Variants in CNTN3 observed in about 807,000 individuals in gnomAD.
CNTN3 encodes the protein contactin 3.
CNTN3 carries 60 observed loss-of-function variants against 119.1 expected under a neutral mutation model. That is an observed-to-expected ratio of 0.50 (90% CI 0.41 to 0.62). The LOEUF is 0.62. Ranked by LOEUF, CNTN3 falls within the 20% of genes least tolerant of loss-of-function variation. The pLI is 0.00. For missense variants in CNTN3, 1,101 were observed against 1,242.4 expected, an observed-to-expected ratio of 0.89 and a Z score of 1.71; for synonymous variants, 450 against 438.7, an observed-to-expected ratio of 1.03 and a Z score of -0.32.
chr3:74,492,709 C>A (rs531569573), intron 3 of CNTN3, among the ~76,000 whole-genome samples: 1 of 152,228 alleles, frequency 6.6e-6, no homozygotes, highest in Admixed American at 6.5e-5. Context: ...ATAAAAATCA[C>A]TGCCTTCCAA....
intron 5 of CNTN3, among the ~76,000 whole-genome samples, chr3:74,400,584 T>A (rs1029202442): frequency 2.0e-5 from 3 of 152,196 alleles, no homozygotes; most frequent in African/African-American, 7.2e-5. Flanking sequence ...ATCTTAGGTT[T>A]AAGAGTGTAA....
chr3:74,382,535 C>CA (rs1704647470), intron 5 of CNTN3, among the ~76,000 whole-genome samples: 1 of 152,152 alleles, frequency 6.6e-6, no homozygotes, highest in Non-Finnish European at 1.5e-5. Context: ...CCCCCACCAC[C>CA]AGCCTATGGT....
chr3:74,596,455 A>G (rs1294408911), intron 1 of CNTN3, among the ~76,000 whole-genome samples: 1 of 152,154 alleles, frequency 6.6e-6, no homozygotes, highest in African/African-American at 2.4e-5. Context: ...GGCTACAGTA[A>G]CCAAAACAGC....
chr3:74,267,345 T>A lies in CNTN3; in HGVS notation c.2738A>T (p.Asn913Ile). The A allele has an allele frequency of 6.2e-7, 1 of 1,613,288 alleles. No individual in the cohort carries two copies. Residue 913 changes from asparagine (N) to isoleucine (I), a missense_variant, in exon 21 of 23, where the codon AAT (asparagine) becomes ATT (isoleucine). Transcript: ENST00000263665. ...AAGTAACACTTTAGTGTCTGTGGCA[T>A]TCCAAACAACATTTCCTGGTGGCTG... ...PSQPPGNVVW[N>I]ATDTKVLLNW...
At chr3:74,478,450 G>T (rs1232440285) in intron 4 of CNTN3, among the ~76,000 whole-genome samples, 1 of 152,106 alleles carries the variant, frequency 6.6e-6, no homozygotes. Flanking sequence ...GGAGGGTCTT[G>T]TAAGGTATAT....
chr3:74,555,064 C>G (rs115521702), intron 1 of CNTN3, among the ~76,000 whole-genome samples: 10,127 of 152,156 alleles, frequency 0.067, 366 homozygotes, highest in South Asian at 0.094. Flanking sequence ...ATAAACAGCT[C>G]TTATTATATT....
intron 1 of CNTN3, among the ~76,000 whole-genome samples, chr3:74,608,674 T>C (rs1705031747): frequency 6.6e-6 from 1 of 152,198 alleles, no homozygotes; most frequent in African/African-American, 2.4e-5. Flanking sequence ...AAATAAATTT[T>C]AGCCCTAGAA....
intron 13 of CNTN3, among the ~76,000 whole-genome samples, chr3:74,329,724 CT>C (rs1285282401): frequency 6.6e-6 from 1 of 152,040 alleles, no homozygotes; most frequent in African/African-American, 2.4e-5. Context: ...ATGCTAAGCT[CT>C]ATTTAAAAGT....
chr3:74,414,384 C>A (rs1197956912), intron 5 of CNTN3, among the ~76,000 whole-genome samples: 1 of 152,198 alleles, frequency 6.6e-6, no homozygotes, highest in South Asian at 2.1e-4. Flanking sequence ...CACAAAAATA[C>A]TTCAACTCTT....
chr3:74,371,185 A>G lies in CNTN3; in HGVS notation c.658+11T>C. ...TTACGCTCAGAAGTGCACTTGGAGA[A>G]GTTTCATTACCATCAGAACGTAGCA... On this transcript the variant is annotated intron_variant, in intron 6 of 22. Coordinates refer to ENST00000263665, the MANE Select transcript of CNTN3 (RefSeq NM_020872.3). 1.9e-6 allele frequency: 3 copies of G among 1,605,310 alleles called. No individual in the cohort carries two copies. Among genetic ancestry groups the G allele is most frequent in the Non-Finnish European group, 2.6e-6 (3 of 1,172,444 alleles).
intron 1 of CNTN3, among the ~76,000 whole-genome samples, chr3:74,570,359 G>A (rs1704293382): frequency 6.6e-6 from 1 of 152,084 alleles, no homozygotes. Context: ...CAAATTTATA[G>A]TATTAACCTC....
intron 2 of CNTN3, among the ~76,000 whole-genome samples, chr3:74,514,743 G>A (rs1703423333): frequency 6.6e-6 from 1 of 152,028 alleles, no homozygotes; most frequent in Non-Finnish European, 1.5e-5. Context: ...TCCAGTGTTA[G>A]ATTTGTAACC....
chr3:74,511,162 G>A (rs1055094459), intron 2 of CNTN3, among the ~76,000 whole-genome samples: 4 of 151,880 alleles, frequency 2.6e-5, no homozygotes, highest in African/African-American at 9.7e-5. Flanking sequence ...AAAATCCAGA[G>A]ATTTAGGCCT....
At chr3:74,587,226 T>A (rs1704608800) in intron 1 of CNTN3, among the ~76,000 whole-genome samples, 1 of 152,002 alleles carries the variant, frequency 6.6e-6, no homozygotes, top group Non-Finnish European at 1.5e-5. Context: ...GAAGCCCAAT[T>A]GAGTTCAACA....
At chr3:74,449,617 C>T (rs746789944) in intron 4 of CNTN3, among the ~76,000 whole-genome samples, 1 of 152,060 alleles carries the variant, frequency 6.6e-6, no homozygotes, top group African/African-American at 2.4e-5. Flanking sequence ...CTGAGGACCA[C>T]ACCTTTTGAA....
In CNTN3 at chr3:74,605,965, T is replaced by C. The variant is rs570295810; in HGVS notation, c.-81+8426A>G. On this transcript the variant is annotated intron_variant, in intron 1 of 22. Coordinates refer to ENST00000263665, the MANE Select transcript of CNTN3 (RefSeq NM_020872.3). ...TATAGGCCTGATGTGTGTTTTATCT[T>C]TTTCTGAAGTTATTTTTCTCTAAAT... Among the ~76,000 whole-genome samples, 4 of 152,254 alleles carry C rather than the reference T, an allele frequency of 2.6e-5. No homozygotes were observed. The East Asian group carries it at 7.7e-4, about 29-fold the overall frequency.
chr3:74,470,046 C>T (rs1479191065), intron 4 of CNTN3, among the ~76,000 whole-genome samples: 1 of 152,126 alleles, frequency 6.6e-6, no homozygotes, highest in Non-Finnish European at 1.5e-5. Flanking sequence ...AGTACTGACA[C>T]ATGCTACTAT....
intron 3 of CNTN3, among the ~76,000 whole-genome samples, chr3:74,494,803 C>T (rs1253977068): frequency 1.3e-5 from 2 of 152,066 alleles, no homozygotes; most frequent in Non-Finnish European, 2.9e-5. Flanking sequence ...CACACTTCAC[C>T]GTTAAAGGTG....
intron 5 of CNTN3, among the ~76,000 whole-genome samples, chr3:74,384,387 C>T (rs1366725949): frequency 1.3e-5 from 2 of 152,184 alleles, no homozygotes; most frequent in East Asian, 3.8e-4. Flanking sequence ...TGATAAAACG[C>T]TTTTCTTTCC....
Sources: gnomAD v4.1 joint callset for allele counts (sites outside exome capture counted in the v4.1 genomes callset) on GRCh38, gnomAD v4.1.1 for gene constraint, MANE v1.5 for transcripts, NCBI Gene and HGNC (gene_info 2026-07-23, HGNC 2026-07-21) for gene names.